Variants in PRKAA2 observed in about 807,000 individuals in gnomAD.
PRKAA2 encodes the protein protein kinase AMP-activated catalytic subunit alpha 2.
A neutral mutation model predicts 56.3 loss-of-function variants in PRKAA2; 40 were observed. The observed-to-expected ratio is 0.71, with a 90% CI of 0.55 to 0.92. The LOEUF (loss-of-function observed/expected upper bound fraction) is 0.92. Ranked by LOEUF, PRKAA2 falls within the 40% of genes least tolerant of loss-of-function variation. PRKAA2 has a pLI of 0.00. For missense variants in PRKAA2, 542 were observed against 686.9 expected (o/e 0.79, Z 2.36); for synonymous variants, 214 against 234.2 (o/e 0.91, Z 0.79).
chr1:56,651,304 G>A (rs2100378445), intron 1 of PRKAA2, among the ~76,000 whole-genome samples: 1 of 152,294 alleles, frequency 6.6e-6, no homozygotes, highest in Admixed American at 6.5e-5. Context: ...AGTGATAAAA[G>A]GTACAATTTG....
At chr1:56,690,614 G>A (rs777163323) in intron 2 of PRKAA2, among the ~76,000 whole-genome samples, 24 of 152,144 alleles carry the variant, frequency 1.6e-4, no homozygotes, top group Non-Finnish European at 2.8e-4. Context: ...TGGTCAATAT[G>A]TCTCTTAAGT....
intron 2 of PRKAA2, among the ~76,000 whole-genome samples, chr1:56,683,305 A>G (rs1285224072): frequency 6.6e-6 from 1 of 152,144 alleles, no homozygotes. Flanking sequence ...TGCAACTAGC[A>G]CAGTAGTAGG....
chr1:56,684,933 A>G (rs948940292), intron 2 of PRKAA2, among the ~76,000 whole-genome samples: 9 of 152,100 alleles, frequency 5.9e-5, no homozygotes, highest in African/African-American at 2.2e-4. Flanking sequence ...AGTCAAGAGG[A>G]AGGAATTGAT....
chr1:56,706,325 T>C, intron 8 of PRKAA2, 107 bp downstream of exon 8: 2 of 1,338,282 alleles, frequency 1.5e-6, no homozygotes, highest in Non-Finnish European at 2.0e-6. Context: ...CCTGCACTGG[T>C]TTTTAAGCAA....
chr1:56,695,913 G>C (rs570234513), intron 5 of PRKAA2, 22 bp from the exon 6 acceptor site: 1 of 1,595,626 alleles, frequency 6.3e-7, no homozygotes, highest in Non-Finnish European at 8.6e-7. Context: ...TTTCAGGTTT[G>C]TGTTGTCATC....
intron 2 of PRKAA2, among the ~76,000 whole-genome samples, chr1:56,685,710 T>C (rs1644186483): frequency 6.6e-6 from 1 of 152,128 alleles, no homozygotes; most frequent in Admixed American, 6.6e-5. Flanking sequence ...TTTGCTGCTA[T>C]AAAGGATGGA....
chr1:56,686,526 G>T (rs1272173683), intron 2 of PRKAA2, among the ~76,000 whole-genome samples: 1 of 152,194 alleles, frequency 6.6e-6, no homozygotes, highest in Non-Finnish European at 1.5e-5. Context: ...GAAACATGGT[G>T]CTGGCTTTTA....
chr1:56,670,857 A>G (rs1259197340), intron 1 of PRKAA2, among the ~76,000 whole-genome samples: 2 of 152,146 alleles, frequency 1.3e-5, no homozygotes, highest in African/African-American at 2.4e-5. Flanking sequence ...CTTTATGAAT[A>G]TGGTATATCT....
At position 56,647,861 on chromosome 1, in the gene PRKAA2, G is replaced by T. The variant is rs182044358; in HGVS notation, c.94+2380G>T. On this transcript the variant is annotated intron_variant, in intron 1 of 8. Transcript: ENST00000371244. ...CCTGGCCAACATGGCGAAACCCCAT[G>T]TCTACTAAAAATACAAAAATTAGCC... Among the ~76,000 whole-genome samples the T allele has an allele frequency of 6.0e-3, 907 of 151,422 alleles. 5 individuals carry two copies. Among genetic ancestry groups the T allele is most frequent in the African/African-American group, 0.021 (864 of 41,324 alleles).
intron 1 of PRKAA2, among the ~76,000 whole-genome samples, chr1:56,649,518 A>G (rs1557540000): frequency 6.6e-6 from 1 of 151,952 alleles, no homozygotes; most frequent in African/African-American, 2.4e-5. Flanking sequence ...CCTGTCTTTG[A>G]TTGATTGATT....
At chr1:56,652,249 A>G (rs12072057) in intron 1 of PRKAA2, among the ~76,000 whole-genome samples, 69,636 of 151,562 alleles carry the variant, frequency 0.46, 16,443 homozygotes, top group Middle Eastern at 0.55. Context: ...CTGACCTCGT[A>G]ATACGCCCGC....
chr1:56,709,667 G>A lies in PRKAA2; in HGVS notation c.*1954G>A. ...ATGAATGGAATTACCTTAGAAATAA[G>A]GAACTAATCAGATTACTTAACCCCA... On this transcript the variant is annotated 3_prime_UTR_variant, in exon 9 of 9. Coordinates refer to ENST00000371244, the MANE Select transcript of PRKAA2 (RefSeq NM_006252.4). 6.6e-6 allele frequency: 1 copy of A among 151,900 alleles called. No homozygotes were observed. The highest frequency in any genetic ancestry group is 6.6e-5 in the Admixed American group (1 of 15,240). The allele number at this position is 151,900 out of a possible 1,614,324, so 9.4% of individuals were successfully genotyped here. A position where few individuals can be genotyped will look rare whatever the true frequency, so the allele number is the denominator to read the frequency against.
chr1:56,686,824 A>T (rs1198387319), intron 2 of PRKAA2, among the ~76,000 whole-genome samples: 1 of 151,984 alleles, frequency 6.6e-6, no homozygotes, highest in African/African-American at 2.4e-5. Flanking sequence ...GAACATACAA[A>T]CCATATTAAT....
chr1:56,696,262 C>A (rs1322409194), intron 6 of PRKAA2, 103 bp downstream of exon 6: 3 of 1,012,600 alleles, frequency 3.0e-6, no homozygotes, highest in Non-Finnish European at 4.4e-6. Context: ...CACCACCTCA[C>A]CCCAGTACTC....
At chr1:56,698,079 C>CTT (rs530647275) in intron 6 of PRKAA2, among the ~76,000 whole-genome samples, 11 of 121,100 alleles carry the variant, frequency 9.1e-5, no homozygotes, top group African/African-American at 2.5e-4. Context: ...TTTTTTAATT[C>CTT]TTTTTTTTTT....
intron 6 of PRKAA2, 133 bp downstream of exon 6, chr1:56,696,292 C>T (rs1644258742): frequency 4.0e-6 from 3 of 749,432 alleles, no homozygotes; most frequent in East Asian, 5.3e-5. Context: ...CCACATTGAA[C>T]TTGTCCTTGT....
chr1:56,652,006 T>C (rs951753669), intron 1 of PRKAA2, among the ~76,000 whole-genome samples: 8 of 133,302 alleles, frequency 6.0e-5, no homozygotes, highest in Non-Finnish European at 1.6e-5. Flanking sequence ...CACGCCTGGC[T>C]AATTTTTTTT....
At chr1:56,698,404 T>C (rs1183315179) in intron 6 of PRKAA2, among the ~76,000 whole-genome samples, 1 of 152,252 alleles carries the variant, frequency 6.6e-6, no homozygotes, top group African/African-American at 2.4e-5. Flanking sequence ...GGTTACATCA[T>C]GATTTATGTA....
chr1:56,670,779 G>A (rs2746341), intron 1 of PRKAA2, among the ~76,000 whole-genome samples: 150,149 of 152,328 alleles, frequency 0.99, 74,001 homozygotes, highest in East Asian at 1. Context: ...ATATTTACGT[G>A]TATACATGAT....
Sources: allele counts gnomAD v4.1 joint callset (sites outside exome capture counted in the v4.1 genomes callset), GRCh38; gene constraint gnomAD v4.1.1; transcripts MANE v1.5; gene names NCBI Gene and HGNC (gene_info 2026-07-23, HGNC 2026-07-21).